RASSF6: variants seen among roughly 807,000 people sequenced by gnomAD.
RASSF6 encodes Ras association domain family member 6, also known as ras association domain-containing protein 6.
In RASSF6, 52 loss-of-function variants were observed where a neutral mutation model predicts 44.0. That is an observed-to-expected ratio of 1.18 (90% CI 0.95 to 1.49). The LOEUF is 1.49. RASSF6 is among the 40% of genes most tolerant of loss of function. The pLI, the probability that RASSF6 is intolerant of heterozygous loss-of-function variation, is 0.00. For synonymous variants in RASSF6, 162 were observed against 124.6 expected, an observed-to-expected ratio of 1.30 and a Z score of -2.00; for missense variants, 464 against 393.3, an observed-to-expected ratio of 1.18 and a Z score of -1.52.
intron 7 of RASSF6, 36 bp downstream of exon 7, chr4:73,582,148 TATATA>T (rs3076197): frequency 0.03 from 26,992 of 905,260 alleles, 661 homozygotes; most frequent in African/African-American, 0.1. Flanking sequence ...AGTTGAATTA[TATATA>T]ATATATTTAT....
At chr4:73,605,218 A>G (rs1725542828) in intron 2 of RASSF6, among the ~76,000 whole-genome samples, 1 of 152,138 alleles carries the variant, frequency 6.6e-6, no homozygotes, top group Non-Finnish European at 1.5e-5. Flanking sequence ...AACGTGTGAT[A>G]CTTTCATGAT....
At chr4:73,618,269 A>G (rs1483866529) in intron 1 of RASSF6, among the ~76,000 whole-genome samples, 1 of 90,530 alleles carries the variant, frequency 1.1e-5, no homozygotes, top group African/African-American at 3.4e-5. Context: ...TGTAAATTCA[A>G]CACAATATTC....
chr4:73,594,465 T>C (rs1405786574), intron 3 of RASSF6, among the ~76,000 whole-genome samples: 4 of 152,240 alleles, frequency 2.6e-5, no homozygotes, highest in African/African-American at 7.2e-5. Flanking sequence ...GCTCAAACCC[T>C]GGCTCTGCCA....
intron 1 of RASSF6, 56 bp from the exon 2 acceptor site, chr4:73,611,885 T>C: frequency 1.6e-6 from 2 of 1,243,722 alleles, no homozygotes; most frequent in South Asian, 1.3e-5. Context: ...AAAAATTAGT[T>C]TCTGATTTAA....
chr4:73,613,642 CA>C (rs1218231185), intron 1 of RASSF6, among the ~76,000 whole-genome samples: 3 of 152,140 alleles, frequency 2.0e-5, no homozygotes, highest in Admixed American at 6.5e-5. Flanking sequence ...TATACCTTGC[CA>C]AAGAGTTCAC....
chr4:73,593,705 G>T, intron 3 of RASSF6, 112 bp from the exon 4 acceptor site: 498 of 704,452 alleles, frequency 7.1e-4, no homozygotes, highest in Non-Finnish European at 6.8e-4. Context: ...AGATTAAAAA[G>T]AAACGCCAGG....
chr4:73,586,194 C>T (rs978379117), intron 5 of RASSF6, among the ~76,000 whole-genome samples: 3 of 151,682 alleles, frequency 2.0e-5, no homozygotes, highest in African/African-American at 7.3e-5. Flanking sequence ...TAATATATCA[C>T]ATTATGTTCT....
chr4:73,597,088 A>G (rs1724984156), intron 3 of RASSF6, among the ~76,000 whole-genome samples: 1 of 152,246 alleles, frequency 6.6e-6, no homozygotes, highest in African/African-American at 2.4e-5. Flanking sequence ...GAAGATGCCA[A>G]AAGCAATTGC....
chr4:73,616,496 T>C (rs2149401572), intron 1 of RASSF6, among the ~76,000 whole-genome samples: 1 of 152,310 alleles, frequency 6.6e-6, no homozygotes, highest in Admixed American at 6.5e-5. Context: ...GGCATATAGA[T>C]AAAACATACA....
At chr4:73,598,284 C>A (rs961432719) in intron 3 of RASSF6, among the ~76,000 whole-genome samples, 9 of 152,078 alleles carry the variant, frequency 5.9e-5, no homozygotes, top group Admixed American at 5.9e-4. Flanking sequence ...TTTGAATAAT[C>A]CCTAATTGAT....
At chr4:73,595,123 A>G (rs910147847) in intron 3 of RASSF6, among the ~76,000 whole-genome samples, 2 of 152,216 alleles carry the variant, frequency 1.3e-5, no homozygotes, top group Non-Finnish European at 2.9e-5. Flanking sequence ...TGGTAGCCTC[A>G]CCGTACACTT....
In RASSF6 at chr4:73,620,364, G is replaced by A. The variant is rs1211527360; in HGVS notation, c.-111C>T. On this transcript the variant is annotated 5_prime_UTR_variant, in exon 1 of 11. Transcript: ENST00000307439. The stretch of plus-strand genomic sequence containing the variant: ...TGAACTTGCTTCGCGGTTTGTTCTC[G>A]GCTGGGTCAGGAACTCTGGTAGAGG... 4 of 1,509,220 alleles carry A rather than the reference G, an allele frequency of 2.7e-6. No individual in the cohort carries two copies. In the Admixed American group the frequency reaches 7.6e-5, roughly 29 times the overall value. 93.5% of individuals were successfully genotyped at this position (1,509,220 alleles called of 1,614,324 possible).
At chr4:73,588,220 A>AAATTCTAC (rs1667080781) in intron 4 of RASSF6, among the ~76,000 whole-genome samples, 1 of 152,126 alleles carries the variant, frequency 6.6e-6, no homozygotes, top group African/African-American at 2.4e-5. Flanking sequence ...ACATATGTCC[A>AAATTCTAC]AATTGAATTA....
At chr4:73,596,002 T>C (rs1435728561) in intron 3 of RASSF6, among the ~76,000 whole-genome samples, 2 of 152,120 alleles carry the variant, frequency 1.3e-5, no homozygotes, top group African/African-American at 4.8e-5. Flanking sequence ...CAGGAAGATA[T>C]TGTAAATATG....
intron 1 of RASSF6, among the ~76,000 whole-genome samples, chr4:73,613,932 T>C (rs907306478): frequency 2.0e-5 from 3 of 152,074 alleles, no homozygotes; most frequent in African/African-American, 7.2e-5. Flanking sequence ...CATCCCATAA[T>C]CTCTGTTGAG....
At position 73,581,964 on chromosome 4, in the gene RASSF6, C is replaced by T. The variant is rs1355057871; in HGVS notation, c.670-96G>A. On this transcript the variant is annotated intron_variant, in intron 7 of 10. Coordinates refer to ENST00000307439, the MANE Select transcript of RASSF6 (RefSeq NM_177532.5). ...CAAATCATGTCTGTTTTCTCTCTTC[C>T]ATTTTTCACTTTTAGACATAAAATC... 41 of 925,674 alleles carry T rather than the reference C, an allele frequency of 4.4e-5. No homozygotes were observed. The East Asian group carries it at 1.1e-3, about 24-fold the overall frequency. 57.3% of individuals were successfully genotyped at this position (925,674 alleles called of 1,614,324 possible). A position where few individuals can be genotyped will look rare whatever the true frequency, so the allele number is the denominator to read the frequency against.
intron 3 of RASSF6, among the ~76,000 whole-genome samples, chr4:73,593,850 T>C (rs79914686): frequency 3.6e-3 from 553 of 152,364 alleles, no homozygotes; most frequent in Admixed American, 5.7e-3. Flanking sequence ...GGGCACAGTA[T>C]GTCAAAATGC....
intron 2 of RASSF6, among the ~76,000 whole-genome samples, chr4:73,600,620 T>C (rs1315344900): frequency 6.6e-6 from 1 of 152,190 alleles, no homozygotes; most frequent in Non-Finnish European, 1.5e-5. Context: ...ATACTGACTG[T>C]TACATGTTTG....
Position 73,592,741 on chromosome 4 carries a change from T to C in RASSF6, c.287+710A>G, listed in dbSNP as rs1454687001. Among the ~76,000 whole-genome samples the C allele has an allele frequency of 2.6e-5, 4 of 152,296 alleles. No individual in the cohort carries two copies. In the East Asian group the frequency reaches 7.7e-4, roughly 29 times the overall value. The stretch of plus-strand genomic sequence containing the variant: ...TTGGTAGAAAGCACAATGAGCCCTT[T>C]GTTCCAAGGAAAGAAGACATTTAGA... On this transcript the variant is annotated intron_variant, in intron 4 of 10. Transcript: ENST00000307439.
Sources: gnomAD v4.1 joint callset for allele counts (sites outside exome capture counted in the v4.1 genomes callset) on GRCh38, gnomAD v4.1.1 for gene constraint, MANE v1.5 for transcripts, NCBI Gene and HGNC (gene_info 2026-07-23, HGNC 2026-07-21) for gene names.